Variants in SRGAP2B observed in about 807,000 individuals in gnomAD.
The protein encoded by SRGAP2B is SLIT-ROBO Rho GTPase activating protein 2B.
SRGAP2B carries 9 observed loss-of-function variants against 22.2 expected under a neutral mutation model. The ratio of observed to expected loss-of-function variants is 0.41; its 90% CI spans 0.24 to 0.71. The LOEUF (loss-of-function observed/expected upper bound fraction) is 0.71, where lower values mean the gene tolerates loss of function less well. SRGAP2B is among the 30% of genes least tolerant of loss of function. The probability of loss-of-function intolerance (pLI) is 0.35; values close to 1 mark genes in which losing one functional copy is unlikely to be tolerated. For missense variants in SRGAP2B, 114 were observed against 235.8 expected (o/e 0.48, Z 3.38); for synonymous variants, 36 against 87.4 (o/e 0.41, Z 3.28).
rs1467906754 is a variant in SRGAP2B, at chr1:145,063,444, C to CA, written c.67+29390dup. 8.7e-3 allele frequency among the ~76,000 whole-genome samples: 920 copies of CA among 106,204 alleles called. 1 individual carries two copies. Among genetic ancestry groups the CA allele is most frequent in the African/African-American group, 0.035 (878 of 24,904 alleles). 69.7% of individuals were successfully genotyped at this position (106,204 alleles called of 152,430 possible). A position where few individuals can be genotyped will look rare whatever the true frequency, so the allele number is the denominator to read the frequency against. ...CCCTTCCAGGAGGCCGGCATCAGAA[C>CA]AAAACCCTTCTTCCCTCCCTCCCAG... On this transcript the variant is annotated intron_variant, in intron 2 of 9. Transcript: ENST00000612199.
At chr1:144,920,104 T>C (rs1553348261) in intron 4 of SRGAP2B, among the ~76,000 whole-genome samples, 5 of 150,806 alleles carry the variant, frequency 3.3e-5, no homozygotes, top group African/African-American at 1.2e-4. Flanking sequence ...AGAGCGCTGA[T>C]TGGTGCGTTT....
At chr1:144,973,940 C>A (rs1668715109) in intron 3 of SRGAP2B, among the ~76,000 whole-genome samples, 1 of 148,342 alleles carries the variant, frequency 6.7e-6, no homozygotes, top group South Asian at 2.1e-4. Context: ...ACTTTATTTG[C>A]AAGCTGGTGA....
intron 5 of SRGAP2B, among the ~76,000 whole-genome samples, chr1:144,909,245 T>G (rs1235585996): frequency 6.8e-6 from 1 of 147,662 alleles, no homozygotes; most frequent in African/African-American, 2.6e-5. Flanking sequence ...GAGAAATAAG[T>G]AGCAGTGGGA....
intron 2 of SRGAP2B, among the ~76,000 whole-genome samples, chr1:145,066,703 A>T (rs1339639972): frequency 4.6e-5 from 7 of 151,932 alleles, no homozygotes; most frequent in Admixed American, 4.6e-4. Context: ...GGGAGCACAG[A>T]CGCTGAACGC....
intron 4 of SRGAP2B, among the ~76,000 whole-genome samples, chr1:144,942,411 TTTTATTTA>T (rs58172421): frequency 6.8e-6 from 1 of 147,398 alleles, no homozygotes; most frequent in Admixed American, 6.7e-5. Flanking sequence ...GGCATTTTTA[TTTTATTTA>T]TTTATTTATT....
chr1:144,917,735 G>T (rs1428411267), intron 4 of SRGAP2B: 2 of 131,168 alleles, frequency 1.5e-5, no homozygotes, highest in Admixed American at 7.4e-5. Flanking sequence ...TACATGTGTA[G>T]CGAGCCCACT....
At chr1:144,994,590 G>C (rs1358345870) in intron 3 of SRGAP2B, among the ~76,000 whole-genome samples, 3 of 149,250 alleles carry the variant, frequency 2.0e-5, no homozygotes, top group Admixed American at 6.6e-5. Context: ...GAGAGAGAGA[G>C]AGAGAGAGAG....
intron 7 of SRGAP2B, among the ~76,000 whole-genome samples, chr1:144,902,916 A>C (rs1662742203): frequency 1.7e-5 from 1 of 59,498 alleles, no homozygotes; most frequent in African/African-American, 7.3e-5. Context: ...CTCTTAGCAG[A>C]CGTTTTTTTT....
At chr1:144,979,734 G>C (rs1219328371) in intron 3 of SRGAP2B, among the ~76,000 whole-genome samples, 1 of 150,998 alleles carries the variant, frequency 6.6e-6, no homozygotes, top group Non-Finnish European at 1.5e-5. Flanking sequence ...GACCTCCCCC[G>C]ACTCTCACTC....
In SRGAP2B at chr1:145,088,512, G is replaced by C. The variant is rs1381318830; in HGVS notation, c.67+4323C>G. On this transcript the variant is annotated intron_variant, in intron 2 of 9. Transcript: ENST00000612199. ...TCGAGAAAGAAAATGTGACTGCTCA[G>C]CATACAGTGCCACCCTGTTTCAGAC... 2.8e-5 allele frequency among the ~76,000 whole-genome samples: 4 copies of C among 140,926 alleles called. 1 individual carries two copies. The highest frequency in any genetic ancestry group is 6.1e-5 in the Non-Finnish European group (4 of 65,314). 92.5% of individuals were successfully genotyped at this position (140,926 alleles called of 152,430 possible). A position where few individuals can be genotyped will look rare whatever the true frequency, so the allele number is the denominator to read the frequency against.
chr1:145,031,755 G>A (rs1648360222), intron 2 of SRGAP2B, among the ~76,000 whole-genome samples: 1 of 144,648 alleles, frequency 6.9e-6, no homozygotes, highest in Non-Finnish European at 1.5e-5. Context: ...GCTGAGGCAG[G>A]AGAATGGCGT....
chr1:144,988,773 G>T (rs1264518938), intron 3 of SRGAP2B, among the ~76,000 whole-genome samples: 3 of 149,322 alleles, frequency 2.0e-5, no homozygotes, highest in Non-Finnish European at 4.4e-5. Context: ...GCCTCGTACT[G>T]CTCTACACCC....
intron 3 of SRGAP2B, among the ~76,000 whole-genome samples, chr1:144,972,752 C>G (rs587609918): frequency 6.7e-6 from 1 of 149,716 alleles, no homozygotes; most frequent in Admixed American, 6.6e-5. Flanking sequence ...AAAAAATCAA[C>G]GTATAGGTCA....
chr1:144,914,007 C>G lies in SRGAP2B; in HGVS notation c.486+685G>C, dbSNP rs200919451. Among the ~76,000 whole-genome samples, 750 of 149,246 alleles carry G rather than the reference C, an allele frequency of 5.0e-3. 3 individuals are homozygous for G. Among genetic ancestry groups the G allele is most frequent in the Non-Finnish European group, 7.5e-3 (506 of 67,118 alleles). On this transcript the variant is annotated intron_variant, in intron 5 of 9. Coordinates refer to ENST00000612199, the Ensembl canonical transcript of SRGAP2B. Reference sequence around the variant, plus strand: ...TTTCATTATAATTAGAAAAACATGGCTGGGGAACAACCACCACCACCACCT... The same window carrying G: ...TTTCATTATAATTAGAAAAACATGGGTGGGGAACAACCACCACCACCACCT...
At chr1:144,939,384 G>T (rs587649787) in intron 4 of SRGAP2B, among the ~76,000 whole-genome samples, 1 of 150,620 alleles carries the variant, frequency 6.6e-6, no homozygotes, top group Non-Finnish European at 1.5e-5. Flanking sequence ...TCCCCTCTAT[G>T]AAGCTCTCCT....
chr1:144,963,169 G>A (rs1667804185), intron 3 of SRGAP2B, among the ~76,000 whole-genome samples: 1 of 150,760 alleles, frequency 6.6e-6, no homozygotes, highest in African/African-American at 2.5e-5. Flanking sequence ...ACTATAGGGA[G>A]GAATGAATAA....
At chr1:145,038,211 A>T (rs2102338946) in intron 2 of SRGAP2B, among the ~76,000 whole-genome samples, 1 of 80,932 alleles carries the variant, frequency 1.2e-5, no homozygotes, top group East Asian at 3.9e-4. Flanking sequence ...CCCAAGACAT[A>T]CTGTTAAGGA....
At chr1:144,925,203 C>T (rs1287309868) in intron 4 of SRGAP2B, among the ~76,000 whole-genome samples, 1 of 150,272 alleles carries the variant, frequency 6.7e-6, no homozygotes, top group East Asian at 2.0e-4. Context: ...GAGAGTTTCA[C>T]TATTTTGGCC....
intron 4 of SRGAP2B, among the ~76,000 whole-genome samples, chr1:144,942,443 G>A (rs1336939925): frequency 6.1e-5 from 9 of 147,740 alleles, no homozygotes; most frequent in East Asian, 4.0e-4. Context: ...TTTTTGAGTC[G>A]GAGTTTTGCT....
Sources: allele counts gnomAD v4.1 joint callset (sites outside exome capture counted in the v4.1 genomes callset), GRCh38; gene constraint gnomAD v4.1.1; transcripts MANE v1.5; gene names NCBI Gene and HGNC (gene_info 2026-07-23, HGNC 2026-07-21).